Variants in SPTLC1 observed in about 807,000 individuals in gnomAD.
The protein encoded by SPTLC1 is serine palmitoyltransferase 1.
In SPTLC1, 55 loss-of-function variants were observed where a neutral mutation model predicts 68.9. The ratio of observed to expected loss-of-function variants is 0.80; its 90% CI spans 0.64 to 1.00. The LOEUF (loss-of-function observed/expected upper bound fraction) is 1.00. SPTLC1 is among the 50% of genes least tolerant of loss of function. The probability of loss-of-function intolerance (pLI) is 0.00; values close to 1 mark genes in which losing one functional copy is unlikely to be tolerated. For missense variants in SPTLC1, 449 were observed against 573.1 expected (o/e 0.78, Z 2.21); for synonymous variants, 197 against 201.6 (o/e 0.98, Z 0.19).
intron 1 of SPTLC1, among the ~76,000 whole-genome samples, chr9:92,113,303 A>G (rs961168899): frequency 7.7e-4 from 117 of 152,218 alleles, no homozygotes; most frequent in Admixed American, 7.6e-3. Flanking sequence ...TCATTTATGA[A>G]TAAGTCTAAA....
chr9:92,035,258 A>G (rs932307614), intron 13 of SPTLC1, among the ~76,000 whole-genome samples: 6 of 152,226 alleles, frequency 3.9e-5, no homozygotes, highest in African/African-American at 1.4e-4. Context: ...GCACATGAGG[A>G]AGTGGTGCGA....
At chr9:92,089,277 G>A (rs540792120) in intron 3 of SPTLC1, among the ~76,000 whole-genome samples, 1 of 152,286 alleles carries the variant, frequency 6.6e-6, no homozygotes, top group Admixed American at 6.5e-5. Flanking sequence ...GCTAGGCATG[G>A]TGGCGCATGC....
intron 5 of SPTLC1, chr9:92,079,395 A>G: frequency 6.7e-7 from 1 of 1,486,162 alleles, no homozygotes; most frequent in Non-Finnish European, 8.9e-7. Context: ...ATTTAATAAC[A>G]TTTTCAGGAG....
intron 12 of SPTLC1, among the ~76,000 whole-genome samples, chr9:92,041,037 A>C (rs1833333923): frequency 6.6e-6 from 1 of 152,242 alleles, no homozygotes; most frequent in Non-Finnish European, 1.5e-5. Context: ...CCCAGTGGAT[A>C]AACGAGCACT....
At chr9:92,064,239 C>A (rs1834205152) in intron 6 of SPTLC1, among the ~76,000 whole-genome samples, 3 of 151,942 alleles carry the variant, frequency 2.0e-5, no homozygotes, top group Non-Finnish European at 2.9e-5. Flanking sequence ...TATTTGCAAA[C>A]CACATATCTG....
At chr9:92,115,188 A>G (rs934069365) in intron 1 of SPTLC1, 126 bp downstream of exon 1, 28 of 911,968 alleles carry the variant, frequency 3.1e-5, no homozygotes, top group Non-Finnish European at 4.9e-5. Flanking sequence ...CCTTCCAGCA[A>G]GAGGCACCGA....
chr9:92,046,183 C>A, intron 11 of SPTLC1, 130 bp from the exon 12 acceptor site: 1 of 831,902 alleles, frequency 1.2e-6, no homozygotes, highest in Non-Finnish European at 2.0e-6. Flanking sequence ...ACTAACAGAG[C>A]CAAGAACCCA....
At chr9:92,085,819 T>C (rs889849117) in intron 3 of SPTLC1, among the ~76,000 whole-genome samples, 10 of 151,950 alleles carry the variant, frequency 6.6e-5, no homozygotes, top group Non-Finnish European at 1.2e-4. Flanking sequence ...GTCTCGTTGA[T>C]CTGTCTAATG....
At chr9:92,067,823 A>G (rs1834347385) in intron 6 of SPTLC1, 143 bp downstream of exon 6, 1 of 937,132 alleles carries the variant, frequency 1.1e-6, no homozygotes, top group South Asian at 1.6e-5. Flanking sequence ...ACAAATTTTG[A>G]AACCTTTGGT....
In SPTLC1 at chr9:92,080,898, A is replaced by G. The variant is rs1160493446; in HGVS notation, c.326T>C (p.Leu109Pro). The G allele has an allele frequency of 7.4e-6, 12 of 1,614,056 alleles. No homozygotes were observed. The highest frequency in any genetic ancestry group is 1.0e-5 in the Non-Finnish European group (12 of 1,180,002). ...ECINFASFNF[L>P]GLLDNPRVKA... ...AACCCTAGGGTTATCCAACAATCCA[A>G]GAAAATTAAATGAGGCGAAGTTTAT... Residue 109 changes from leucine (L) to proline (P), a missense_variant, in exon 4 of 15, where the codon CTT becomes CCT. Transcript: ENST00000262554.
At chr9:92,071,509 T>C (rs1385722888) in intron 5 of SPTLC1, among the ~76,000 whole-genome samples, 2 of 152,208 alleles carry the variant, frequency 1.3e-5, no homozygotes, top group African/African-American at 4.8e-5. Flanking sequence ...CAGAGCCAAA[T>C]GTTTTTCATG....
At chr9:92,070,398 C>T (rs1834436252) in intron 5 of SPTLC1, 2 of 152,230 alleles carry the variant, frequency 1.3e-5, no homozygotes, top group Admixed American at 6.5e-5. Context: ...ATTTCACTAA[C>T]TGGAGCTGTA....
At chr9:92,109,070 G>T in intron 2 of SPTLC1, 1 of 426,788 alleles carries the variant, frequency 2.3e-6, no homozygotes. Flanking sequence ...ACCACTAACA[G>T]GAGCTCTCTC....
intron 1 of SPTLC1, 69 bp downstream of exon 1, chr9:92,115,245 T>C: frequency 6.6e-7 from 1 of 1,507,724 alleles, no homozygotes; most frequent in Non-Finnish European, 9.2e-7. Context: ...AGGCCACAAA[T>C]CCACACGCGT....
intron 3 of SPTLC1, among the ~76,000 whole-genome samples, chr9:92,086,046 C>T (rs959104519): frequency 6.6e-6 from 1 of 151,634 alleles, no homozygotes; most frequent in African/African-American, 2.4e-5. Context: ...TCTGTTTTAT[C>T]AGAGACTAGG....
chr9:92,085,015 T>C (rs1184225900), intron 3 of SPTLC1, among the ~76,000 whole-genome samples: 7 of 152,116 alleles, frequency 4.6e-5, no homozygotes, highest in African/African-American at 1.7e-4. Context: ...CTAGATTTTC[T>C]AGTTTATTTG....
intron 12 of SPTLC1, among the ~76,000 whole-genome samples, chr9:92,044,034 C>T (rs891626690): frequency 6.6e-6 from 1 of 152,132 alleles, no homozygotes; most frequent in Non-Finnish European, 1.5e-5. Context: ...TTTGCCCCTG[C>T]GACCCTTATG....
intron 3 of SPTLC1, among the ~76,000 whole-genome samples, chr9:92,095,258 TAGGG>T (rs1313860544): frequency 1.3e-5 from 2 of 152,128 alleles, no homozygotes; most frequent in East Asian, 3.9e-4. Context: ...AACAGAGATG[TAGGG>T]AAAACTTGAA....
intron 2 of SPTLC1, chr9:92,110,016 T>G (rs1351403185): frequency 6.6e-6 from 1 of 152,216 alleles, no homozygotes; most frequent in African/African-American, 2.4e-5. Flanking sequence ...CATTTTGGCT[T>G]TAAAGACGCC....
Sources: allele counts gnomAD v4.1 joint callset (sites outside exome capture counted in the v4.1 genomes callset), GRCh38; gene constraint gnomAD v4.1.1; transcripts MANE v1.5; gene names NCBI Gene and HGNC (gene_info 2026-07-23, HGNC 2026-07-21).